Variants in RFNG observed in about 807,000 individuals in gnomAD.
RFNG encodes beta-1,3-N-acetylglucosaminyltransferase radical fringe.
Under a neutral mutation model 29.6 loss-of-function variants are expected in RFNG, and 37 were observed. The ratio of observed to expected loss-of-function variants is 1.25; its 90% CI spans 0.96 to 1.65. The LOEUF is 1.65. Among genes scored for constraint, RFNG ranks in the 40% most tolerant of loss-of-function variants. The probability of loss-of-function intolerance (pLI) is 0.00; values close to 1 mark genes in which losing one functional copy is unlikely to be tolerated. For missense variants in RFNG, 546 were observed against 457.0 expected (o/e 1.19, Z -1.78); for synonymous variants, 276 against 197.3 (o/e 1.40, Z -3.34).
chr17:82,050,884 C>A (rs1335560582), intron 2 of RFNG, 120 bp from the exon 3 acceptor site: 19 of 1,417,012 alleles, frequency 1.3e-5, no homozygotes, highest in Non-Finnish European at 1.8e-5. Context: ...TGCCTGGACA[C>A]CTTGCCTGGG....
Position 82,051,021 on chromosome 17 carries a change from A to G in RFNG, c.317-257T>C. The G allele has an allele frequency of 7.1e-7, 1 of 1,401,046 alleles. No individual in the cohort carries two copies. The highest frequency in any genetic ancestry group is 1.6e-5 in the South Asian group (1 of 60,882). 86.8% of individuals were successfully genotyped at this position (1,401,046 alleles called of 1,614,324 possible). A position where few individuals can be genotyped will look rare whatever the true frequency, so the allele number is the denominator to read the frequency against. ...GGCAGCTCGCCCTGACCTGGCCTGG[A>G]AGGGCGGATTCCCTGCTGGCGCTTC... On this transcript the variant is annotated intron_variant, in intron 2 of 7. Coordinates refer to ENST00000310496, the MANE Select transcript of RFNG (RefSeq NM_002917.2). The surrounding 1 kb of genome is among the most constrained non-coding windows in gnomAD (Gnocchi z 4.1).
At position 82,048,922 on chromosome 17, in the gene RFNG, G is replaced by A. The variant is rs867836835; in HGVS notation, c.914+109C>T. Reference sequence around the variant, plus strand: ...GCCGTGGGTACAGGGAGAAGCCGGGGTCAGGGCCGTGGGCGGAGGGAGCAG... The same window carrying A: ...GCCGTGGGTACAGGGAGAAGCCGGGATCAGGGCCGTGGGCGGAGGGAGCAG... On this transcript the variant is annotated intron_variant, in intron 7 of 7. Coordinates refer to ENST00000310496, the MANE Select transcript of RFNG (RefSeq NM_002917.2). 35 of 1,436,170 alleles carry A rather than the reference G, an allele frequency of 2.4e-5. No homozygotes were observed. The Middle Eastern group carries it at 6.0e-4, about 25-fold the overall frequency. 89.0% of individuals were successfully genotyped at this position (1,436,170 alleles called of 1,614,324 possible). A position where few individuals can be genotyped will look rare whatever the true frequency, so the allele number is the denominator to read the frequency against.
chr17:82,051,381 C>G lies in RFNG; in HGVS notation c.268-39G>C, dbSNP rs753257942. ...AATCTATGAGGCTTCTGGGGCGCTG[C>G]CCAGGCCGGAGACCGACCCGCCCCG... On this transcript the variant is annotated intron_variant, in intron 1 of 7. Transcript: ENST00000310496. The surrounding 1 kb of genome is among the most constrained non-coding windows in gnomAD (Gnocchi z 4.1). 1 of 1,442,312 alleles carries G rather than the reference C, an allele frequency of 6.9e-7. No homozygotes were observed. Among genetic ancestry groups the G allele is most frequent in the East Asian group, 2.8e-5 (1 of 35,482 alleles). The allele number at this position is 1,442,312 out of a possible 1,614,324, so 89.3% of individuals were successfully genotyped here. A position where few individuals can be genotyped will look rare whatever the true frequency, so the allele number is the denominator to read the frequency against.
In RFNG at chr17:82,050,640, G is replaced by A. The variant is rs116493793; in HGVS notation, c.419+22C>T. The A allele has an allele frequency of 7.2e-5, 116 of 1,611,772 alleles. No individual in the cohort carries two copies. The African/African-American group carries it at 1.3e-3, about 19-fold the overall frequency. On this transcript the variant is annotated intron_variant, in intron 3 of 7. Transcript: ENST00000310496. ...CCCAGCTTGGCTCTGAGCTCTCTGC[G>A]GGTCGGGTCAGCGCCGCGTACTTGC...
At chr17:82,050,852 G>A (rs1041037854) in intron 2 of RFNG, 88 bp from the exon 3 acceptor site, 31 of 1,465,292 alleles carry the variant, frequency 2.1e-5, no homozygotes, top group Non-Finnish European at 2.8e-5. Flanking sequence ...CAAGGGCCAG[G>A]GCACAACGTG....
At chr17:82,050,165 C>A (rs2030251426) in intron 4 of RFNG, 159 bp from the exon 5 acceptor site, 2 of 799,072 alleles carry the variant, frequency 2.5e-6, no homozygotes, top group Non-Finnish European at 4.0e-6. Flanking sequence ...CTTCTGCAGG[C>A]CATTGACCCG....
In RFNG at chr17:82,051,603, A is replaced by AG; in HGVS notation, c.163dup (p.Leu55ProfsTer4). 8.1e-7 allele frequency: 1 copy of AG among 1,232,310 alleles called. No homozygotes were observed. The highest frequency in any genetic ancestry group is 2.3e-5 in the South Asian group (1 of 43,690). 76.3% of individuals were successfully genotyped at this position (1,232,310 alleles called of 1,614,324 possible). A position where few individuals can be genotyped will look rare whatever the true frequency, so the allele number is the denominator to read the frequency against. ...GGCGATGAAGACGTCGTCAGGCCGC[A>AG]GGCTGGGGGCAGCGGGCCGGGACGG... is the stretch of plus-strand genomic sequence containing the variant. On this transcript the variant is annotated frameshift_variant, in exon 1 of 8. Transcript: ENST00000310496. LOFTEE classifies it high-confidence loss of function. This position sits in a 1 kb window ranked among gnomAD's most constrained non-coding sequence, Gnocchi z 4.1.
rs373645029 is a variant in RFNG at position 82,048,394 on chromosome 17, G to A, written c.*332C>T. The A allele has an allele frequency of 8.3e-6, 3 of 360,574 alleles. No homozygotes were observed. The highest frequency in any genetic ancestry group is 1.1e-5 in the Non-Finnish European group (2 of 189,368). 22.3% of individuals were successfully genotyped at this position (360,574 alleles called of 1,614,324 possible). On this transcript the variant is annotated 3_prime_UTR_variant, in exon 8 of 8. Transcript: ENST00000310496. ...GCCTAGCACCCGCCTTCAGCAACAG[G>A]TAATGGAGCCCGGATGGCAGCTCCC...
Position 82,051,235 on chromosome 17 carries a change from G to T in RFNG, c.316+59C>A. 7.6e-7 allele frequency: 1 copy of T among 1,321,930 alleles called. No homozygotes were observed. The highest frequency in any genetic ancestry group is 2.5e-5 in the South Asian group (1 of 40,400). 81.9% of individuals were successfully genotyped at this position (1,321,930 alleles called of 1,614,324 possible). ...ACAGCAGCGAAGGGGCCGTGGCTTC[G>T]GAGCGAGAAAGGCTCGGGGGGCAGA... On this transcript the variant is annotated intron_variant, in intron 2 of 7. Coordinates refer to ENST00000310496, the MANE Select transcript of RFNG (RefSeq NM_002917.2). This position sits in a 1 kb window ranked among gnomAD's most constrained non-coding sequence, Gnocchi z 4.1.
intron 6 of RFNG, chr17:82,049,475 T>C (rs1331617771): frequency 1.4e-6 from 1 of 733,900 alleles, no homozygotes; most frequent in East Asian, 2.7e-5. Flanking sequence ...CCCTCGTTCC[T>C]CTGCCCCAGA....
In RFNG at chr17:82,048,898, C is replaced by A. The variant is rs2030085807; in HGVS notation, c.915-91G>T. 2.8e-6 allele frequency: 4 copies of A among 1,450,970 alleles called. No individual in the cohort carries two copies. The Admixed American group carries it at 5.1e-5, about 18-fold the overall frequency. 89.9% of individuals were successfully genotyped at this position (1,450,970 alleles called of 1,614,324 possible). A position where few individuals can be genotyped will look rare whatever the true frequency, so the allele number is the denominator to read the frequency against. ...GCGGCGGGAGAACCTGGGGTCAGGG[C>A]CGTGGGTACAGGGAGAAGCCGGGGT... On this transcript the variant is annotated intron_variant, in intron 7 of 7. Transcript: ENST00000310496.
intron 7 of RFNG, 57 bp downstream of exon 7, chr17:82,048,974 A>AGAAGCCGGGGTCAGGGCCGTGG (rs1568028257): frequency 6.4e-7 from 1 of 1,561,998 alleles, no homozygotes; most frequent in African/African-American, 1.4e-5. Context: ...GGGTAGAGGG[A>AGAAGCCGGGGTCAGGGCCGTGG]GCTGATGCCA....
At chr17:82,050,157 T>A in intron 4 of RFNG, 151 bp from the exon 5 acceptor site, 1 of 809,934 alleles carries the variant, frequency 1.2e-6, no homozygotes, top group Non-Finnish European at 2.0e-6. Context: ...GCCGGGGGCT[T>A]CTGCAGGCCA....
Position 82,051,022 on chromosome 17 carries a change from A to G in RFNG, c.317-258T>C. On this transcript the variant is annotated intron_variant, in intron 2 of 7. Transcript: ENST00000310496. This position sits in a 1 kb window ranked among gnomAD's most constrained non-coding sequence, Gnocchi z 4.1. ...GCAGCTCGCCCTGACCTGGCCTGGA[A>G]GGGCGGATTCCCTGCTGGCGCTTCT... 7.1e-7 allele frequency: 1 copy of G among 1,401,636 alleles called. No individual in the cohort carries two copies. The allele number at this position is 1,401,636 out of a possible 1,614,324, so 86.8% of individuals were successfully genotyped here. A position where few individuals can be genotyped will look rare whatever the true frequency, so the allele number is the denominator to read the frequency against.
In RFNG at chr17:82,049,014, T is replaced by A. The variant is rs774837488; in HGVS notation, c.914+17A>T. On this transcript the variant is annotated intron_variant, in intron 7 of 7. Transcript: ENST00000310496. ...CCCTGCGGGGCCGAGGGCCTGCCCA[T>A]GCCACTACCTACTCACCGTGTGGGG... The A allele has an allele frequency of 6.2e-7, 1 of 1,610,010 alleles. No individual in the cohort carries two copies. The highest frequency in any genetic ancestry group is 8.5e-7 in the Non-Finnish European group (1 of 1,179,180).
chr17:82,050,080 G>A (rs1474687659), intron 4 of RFNG, 74 bp from the exon 5 acceptor site: 21 of 1,313,456 alleles, frequency 1.6e-5, no homozygotes, highest in African/African-American at 2.9e-5. Flanking sequence ...GACTCCCCAG[G>A]CATCTTTCTT....
chr17:82,048,953 G>T (rs1292384551), intron 7 of RFNG, 78 bp downstream of exon 7: 3 of 1,510,730 alleles, frequency 2.0e-6, no homozygotes, highest in Non-Finnish European at 2.8e-6. Flanking sequence ...AGCAGCGGGG[G>T]TCAGGGCCGT....
Position 82,048,357 on chromosome 17 carries a change from G to C in RFNG, c.*369C>G. 3.5e-6 allele frequency: 1 copy of C among 283,364 alleles called. No individual in the cohort carries two copies. Among genetic ancestry groups the C allele is most frequent in the Non-Finnish European group, 6.9e-6 (1 of 144,320 alleles). The allele number at this position is 283,364 out of a possible 1,614,324, so 17.6% of individuals were successfully genotyped here. ...GACCTTGGCCTGGAGCCTGCTCCTT[G>C]ACACCCAGCCAGCCTAGCACCCGCC... is the stretch of plus-strand genomic sequence containing the variant. On this transcript the variant is annotated 3_prime_UTR_variant, in exon 8 of 8. Coordinates refer to ENST00000310496, the MANE Select transcript of RFNG (RefSeq NM_002917.2).
intron 6 of RFNG, chr17:82,049,401 C>A (rs1358703794): frequency 1.4e-6 from 1 of 699,368 alleles, no homozygotes; most frequent in Non-Finnish European, 2.6e-6. Flanking sequence ...TCACCATCAC[C>A]ATACACACCA....
Sources: allele counts gnomAD v4.1 joint callset, GRCh38; gene constraint gnomAD v4.1.1; non-coding constraint Gnocchi (gnomAD v3.1); transcripts MANE v1.5; gene names NCBI Gene and HGNC (gene_info 2026-07-23, HGNC 2026-07-21).